GJB6: variants seen among roughly 807,000 people sequenced by gnomAD.
The protein encoded by GJB6 is gap junction beta-6 protein.
In GJB6, 5 loss-of-function variants were observed where a neutral mutation model predicts 5.4. The ratio of observed to expected loss-of-function variants is 0.92; its 90% CI spans 0.48 to 1.93. The LOEUF (loss-of-function observed/expected upper bound fraction) is 1.93. Ranked by LOEUF, GJB6 falls within the 30% of genes most tolerant of loss-of-function variation. GJB6 has a pLI of 0.01. For missense variants in GJB6, 298 were observed against 326.9 expected (o/e 0.91, Z 0.68); for synonymous variants, 136 against 129.6 (o/e 1.05, Z -0.34).
rs144174802 is a variant in GJB6, at chr13:20,222,913, C to A, written c.568G>T (p.Val190Leu). The change falls in exon 5 of 5, where the codon GTG becomes TTG. Residue 190 changes from valine to leucine, a missense_variant. Physicochemically the swap from Val to Leu is conservative, Grantham distance 32. Transcript: ENST00000647029. ...GCAGAAATCATAAAAATGGTAAACA[C>A]GGTCTTCTCTGTTGGCCTAGAAATA... The part of the protein sequence containing the change: ...CFISRPTEKT[V>L]FTIFMISASV... The A allele has an allele frequency of 7.0e-5, 113 of 1,613,900 alleles. No individual in the cohort carries two copies. The highest frequency in any genetic ancestry group is 8.5e-5 in the Non-Finnish European group (100 of 1,179,968).
At chr13:20,223,841 C>T (rs1465404308) in intron 4 of GJB6, among the ~76,000 whole-genome samples, 1 of 151,994 alleles carries the variant, frequency 6.6e-6, no homozygotes, top group Non-Finnish European at 1.5e-5. Context: ...TGGTGGCGGG[C>T]ACCTGTAGTC....
At chr13:20,227,352 C>G (rs550167590) in intron 4 of GJB6, among the ~76,000 whole-genome samples, 1 of 152,018 alleles carries the variant, frequency 6.6e-6, no homozygotes, top group African/African-American at 2.4e-5. Context: ...AAGGAGATGC[C>G]GAGCTTGCTG....
At chr13:20,224,223 A>AG (rs1039406343) in intron 4 of GJB6, among the ~76,000 whole-genome samples, 3 of 152,192 alleles carry the variant, frequency 2.0e-5, no homozygotes, top group African/African-American at 7.2e-5. Context: ...TCAGGGGGAA[A>AG]AAAAACTTTC....
chr13:20,223,595 G>A (rs1593363987), intron 4 of GJB6, 100 bp from the exon 5 acceptor site: 1 of 925,730 alleles, frequency 1.1e-6, no homozygotes, highest in Non-Finnish European at 1.8e-6. Flanking sequence ...TTTAAGGTAG[G>A]CTGTGATACT....
At chr13:20,228,108 T>C (rs1347055173) in intron 4 of GJB6, among the ~76,000 whole-genome samples, 1 of 152,246 alleles carries the variant, frequency 6.6e-6, no homozygotes, top group African/African-American at 2.4e-5. Context: ...TATTTCAATT[T>C]GTGAAGTCGT....
chr13:20,224,740 A>G (rs186138636), intron 4 of GJB6, among the ~76,000 whole-genome samples: 125 of 152,368 alleles, frequency 8.2e-4, no homozygotes, highest in East Asian at 2.9e-3. Flanking sequence ...GGACCCTTTG[A>G]AAATTTTCAG....
intron 4 of GJB6, among the ~76,000 whole-genome samples, chr13:20,228,540 G>A (rs559225924): frequency 2.4e-4 from 36 of 151,012 alleles, no homozygotes; most frequent in African/African-American, 8.8e-4. Context: ...CTGGAGTACC[G>A]TGGCACGATC....
At chr13:20,226,081 CG>C (rs549521629) in intron 4 of GJB6, among the ~76,000 whole-genome samples, 374 of 152,074 alleles carry the variant, frequency 2.5e-3, no homozygotes, top group African/African-American at 8.6e-3. Context: ...ACCTGGCCCT[CG>C]GGGGCGCATC....
At position 20,223,459 on chromosome 13, in the gene GJB6, T is replaced by G; in HGVS notation, c.22A>C (p.Thr8Pro). The G allele has an allele frequency of 6.2e-7, 1 of 1,614,094 alleles. No homozygotes were observed. Among genetic ancestry groups the G allele is most frequent in the Non-Finnish European group, 8.5e-7 (1 of 1,179,962 alleles). MDWGTLH[T>P]FIGGVNKHST... ...TGTTTGTTGACACCCCCGATGAAAG[T>G]GTGCAGCGTCCCCCAATCCATTGCG... is the stretch of plus-strand genomic sequence containing the variant. Residue 8 changes from threonine to proline, a missense_variant, in exon 5 of 5, where the codon ACT (threonine) becomes CCT (proline). Transcript: ENST00000647029.
In GJB6 at chr13:20,223,053, C is replaced by A; in HGVS notation, c.428G>T (p.Arg143Leu). The A allele has an allele frequency of 6.2e-7, 1 of 1,613,348 alleles. No individual in the cohort carries two copies. The change falls in exon 5 of 5, where the codon CGA becomes CTA. Residue 143 changes from arginine to leucine, a missense_variant. By Grantham distance (102) the Arg-to-Leu change is moderately radical. Coordinates refer to ENST00000647029, the MANE Select transcript of GJB6 (RefSeq NM_001110219.3). ...WWTYTSSIFF[R>L]IIFEAAFMYV... Reference sequence around the variant, plus strand: ...CATAAAGGCTGCTTCAAAGATGATTCGGAAAAAGATGCTGCTGGTGTACGT... The same window carrying A: ...CATAAAGGCTGCTTCAAAGATGATTAGGAAAAAGATGCTGCTGGTGTACGT...
intron 4 of GJB6, among the ~76,000 whole-genome samples, chr13:20,227,536 G>C (rs1392043058): frequency 6.6e-6 from 1 of 152,158 alleles, no homozygotes; most frequent in East Asian, 1.9e-4. Flanking sequence ...GGTCCTGAGT[G>C]GGCTGCCCCT....
chr13:20,228,480 GT>G (rs71306168), intron 4 of GJB6, among the ~76,000 whole-genome samples: 1 of 118,110 alleles, frequency 8.5e-6, no homozygotes, highest in Non-Finnish European at 1.7e-5. Flanking sequence ...TTTGTTTTTT[GT>G]TTTTGTTTTT....
intron 4 of GJB6, among the ~76,000 whole-genome samples, chr13:20,226,998 G>T (rs1027091103): frequency 6.6e-6 from 1 of 152,110 alleles, no homozygotes; most frequent in African/African-American, 2.4e-5. Flanking sequence ...GGAGCCAGAG[G>T]GGGACATGGC....
intron 4 of GJB6, among the ~76,000 whole-genome samples, chr13:20,227,672 G>C (rs904037576): frequency 1.3e-5 from 2 of 152,184 alleles, no homozygotes; most frequent in Non-Finnish European, 2.9e-5. Flanking sequence ...TCTGCCGTGC[G>C]TATCATTCTC....
At position 20,222,763 on chromosome 13, in the gene GJB6, T is replaced by C. The variant is rs1869264567; in HGVS notation, c.718A>G (p.Lys240Glu). 1.2e-6 allele frequency: 2 copies of C among 1,613,996 alleles called. No individual in the cohort carries two copies. Among genetic ancestry groups the C allele is most frequent in the South Asian group, 1.1e-5 (1 of 91,084 alleles). ...NHPNHALKES[K>E]QNEMNELISD... ...ATCAGCTCATTCATTTCATTCTGCT[T>C]ACTCTCCTTTAGGGCATGATTGGGG... Residue 240 changes from lysine to glutamate, a missense_variant, in exon 5 of 5, where the codon AAG becomes GAG. By Grantham distance (56) the Lys-to-Glu change is moderately conservative. Coordinates refer to ENST00000647029, the MANE Select transcript of GJB6 (RefSeq NM_001110219.3).
intron 4 of GJB6, among the ~76,000 whole-genome samples, chr13:20,224,983 G>A (rs1020657486): frequency 6.6e-6 from 1 of 152,184 alleles, no homozygotes; most frequent in Non-Finnish European, 1.5e-5. Flanking sequence ...AAGCAGTGGG[G>A]TAAATGGAGG....
intron 3 of GJB6, 94 bp downstream of exon 3, chr13:20,230,604 C>A (rs1435653076): frequency 6.6e-6 from 1 of 152,164 alleles, no homozygotes; most frequent in African/African-American, 2.4e-5. Context: ...AAGGTTATGC[C>A]CTCACAGACC....
intron 3 of GJB6, 79 bp from the exon 4 acceptor site, chr13:20,229,828 A>G (rs1869963241): frequency 1.1e-5 from 1 of 91,286 alleles, no homozygotes; most frequent in African/African-American, 4.1e-5. Flanking sequence ...TGTCCCCTGA[A>G]TAAACTTTGT....
rs368228976 is a variant in GJB6, at chr13:20,223,352, C to T, written c.129G>A (p.Val43=). 7.4e-6 allele frequency: 12 copies of T among 1,614,060 alleles called. No individual in the cohort carries two copies. In the African/African-American group the frequency reaches 1.5e-4, roughly 20 times the overall value. Residue 43 remains valine (V), a synonymous_variant, in exon 5 of 5, where the codon GTG becomes GTA. Coordinates refer to ENST00000647029, the MANE Select transcript of GJB6 (RefSeq NM_001110219.3). ...CGAAGTCCTCTTGCTCGTCACCCCA[C>T]ACTTCCTGGGCAGCCACCACGAGGA... ...VMILVVAAQE[V]WGDEQEDFVC...
Sources: gnomAD v4.1 joint callset for allele counts (sites outside exome capture counted in the v4.1 genomes callset) on GRCh38, gnomAD v4.1.1 for gene constraint, MANE v1.5 for transcripts, NCBI Gene and HGNC (gene_info 2026-07-23, HGNC 2026-07-21) for gene names.